Variants in PPARGC1B observed in about 807,000 individuals in gnomAD.
PPARGC1B encodes the protein PPARG coactivator 1 beta.
A neutral mutation model predicts 101.6 loss-of-function variants in PPARGC1B; 34 were observed. The observed-to-expected ratio is 0.33, with a 90% CI of 0.25 to 0.45. The LOEUF (loss-of-function observed/expected upper bound fraction) is 0.45, where lower values mean the gene tolerates loss of function less well. PPARGC1B is among the 20% of genes least tolerant of loss of function. The pLI, the probability that PPARGC1B is intolerant of heterozygous loss-of-function variation, is 1.00. For missense variants in PPARGC1B, 1,234 were observed against 1,317.6 expected (o/e 0.94, Z 0.98); for synonymous variants, 548 against 539.3 (o/e 1.02, Z -0.22).
chr5:149,731,259 C>G (rs1028982172), intron 1 of PPARGC1B, among the ~76,000 whole-genome samples: 1 of 152,176 alleles, frequency 6.6e-6, no homozygotes, highest in African/African-American at 2.4e-5. Flanking sequence ...AGCGAGGAAG[C>G]TGGTGGCTTG....
intron 1 of PPARGC1B, among the ~76,000 whole-genome samples, chr5:149,759,725 C>G (rs999033868): frequency 3.2e-4 from 49 of 152,344 alleles, no homozygotes; most frequent in African/African-American, 1.1e-3. Context: ...ACATCCTTCA[C>G]CAGGCATGCT....
rs1295489451 is a variant in PPARGC1B, at chr5:149,848,666, G to A, written c.*1108G>A. 6.6e-6 allele frequency: 1 copy of A among 152,252 alleles called. No individual in the cohort carries two copies. The highest frequency in any genetic ancestry group is 1.5e-5 in the Non-Finnish European group (1 of 68,086). The allele number at this position is 152,252 out of a possible 1,614,324, so 9.4% of individuals were successfully genotyped here. On this transcript the variant is annotated 3_prime_UTR_variant, in exon 12 of 12. Transcript: ENST00000309241. ...ATCAGCTTTGATCCTGAGTGGTCCTGCGGTTTGTCTGTGCCTGTGGACACA... is the reference window on the plus strand; with the variant it reads ...ATCAGCTTTGATCCTGAGTGGTCCTACGGTTTGTCTGTGCCTGTGGACACA...
intron 1 of PPARGC1B, among the ~76,000 whole-genome samples, chr5:149,805,252 TG>T (rs1757557627): frequency 6.6e-6 from 1 of 152,146 alleles, no homozygotes; most frequent in South Asian, 2.1e-4. Flanking sequence ...ACCATGGACT[TG>T]GGGAGTGGTT....
intron 1 of PPARGC1B, among the ~76,000 whole-genome samples, chr5:149,763,542 T>C (rs1755793334): frequency 1.4e-5 from 2 of 143,326 alleles, no homozygotes; most frequent in African/African-American, 5.2e-5. Flanking sequence ...TTTTTTTTTT[T>C]TTTTTTTTGC....
At chr5:149,756,144 G>A (rs1473074961) in intron 1 of PPARGC1B, among the ~76,000 whole-genome samples, 2 of 152,144 alleles carry the variant, frequency 1.3e-5, no homozygotes, top group African/African-American at 4.8e-5. Context: ...TTACCACATA[G>A]GAGGCACTTA....
At chr5:149,784,566 T>TTC (rs1208954196) in intron 1 of PPARGC1B, among the ~76,000 whole-genome samples, 2 of 138,752 alleles carry the variant, frequency 1.4e-5, no homozygotes, top group African/African-American at 5.3e-5. Context: ...GTTTCTTTTT[T>TTC]TTTTTTTTTT....
chr5:149,732,114 C>T (rs1397159218), intron 1 of PPARGC1B, among the ~76,000 whole-genome samples: 4 of 152,072 alleles, frequency 2.6e-5, no homozygotes, highest in Non-Finnish European at 5.9e-5. Flanking sequence ...ACCTTTACCT[C>T]TGACGAAACT....
chr5:149,780,256 A>C (rs1424297075), intron 1 of PPARGC1B, among the ~76,000 whole-genome samples: 3 of 152,230 alleles, frequency 2.0e-5, no homozygotes, highest in African/African-American at 7.2e-5. Flanking sequence ...ACCTGGCCCC[A>C]GGCCTGGCCG....
In PPARGC1B at chr5:149,837,210, C is replaced by T; in HGVS notation, c.2618+137C>T. The T allele has an allele frequency of 7.3e-7, 1 of 1,369,882 alleles. No homozygotes were observed. The highest frequency in any genetic ancestry group is 1.5e-5 in the South Asian group (1 of 66,698). 84.9% of individuals were successfully genotyped at this position (1,369,882 alleles called of 1,614,324 possible). The stretch of plus-strand genomic sequence containing the variant: ...CTGCATCTCCCAGTGTGGCCCATGT[C>T]TTGGTCAGGAGCCTTGAAGGTGGTC... On this transcript the variant is annotated intron_variant, in intron 8 of 11. Transcript: ENST00000309241. The surrounding 1 kb of genome is among the most constrained non-coding windows in gnomAD (Gnocchi z 4.2).
At chr5:149,822,132 C>A (rs1758326355) in intron 2 of PPARGC1B, among the ~76,000 whole-genome samples, 1 of 152,144 alleles carries the variant, frequency 6.6e-6, no homozygotes, top group South Asian at 2.1e-4. Flanking sequence ...TTGTTCCTTT[C>A]CTCTTAGGGG....
chr5:149,847,429 C>T (rs76206609), intron 11 of PPARGC1B, 29 bp from the exon 12 acceptor site: 19,357 of 1,551,996 alleles, frequency 0.012, 205 homozygotes, highest in South Asian at 0.038. Flanking sequence ...GCCTTCCCCT[C>T]TTCCCTGCCT....
chr5:149,844,681 T>C (rs1759486192), intron 10 of PPARGC1B, among the ~76,000 whole-genome samples: 1 of 152,334 alleles, frequency 6.6e-6, no homozygotes, highest in Non-Finnish European at 1.5e-5. Flanking sequence ...GGGTTCAAAC[T>C]TGGCCCTGGT....
chr5:149,842,553 T>C (rs933389818), intron 10 of PPARGC1B, among the ~76,000 whole-genome samples, 176 bp downstream of exon 10: 5 of 152,276 alleles, frequency 3.3e-5, no homozygotes, highest in Non-Finnish European at 4.4e-5. Context: ...CAGTCAGTAA[T>C]AGCAGCAAAC....
At chr5:149,755,018 C>T (rs1322400176) in intron 1 of PPARGC1B, among the ~76,000 whole-genome samples, 3 of 137,454 alleles carry the variant, frequency 2.2e-5, no homozygotes, top group Non-Finnish European at 3.0e-5. Context: ...ATATATATAC[C>T]CACACATATA....
At position 149,850,408 on chromosome 5, in the gene PPARGC1B, T is replaced by C. The variant is rs759800168; in HGVS notation, c.*2850T>C. On this transcript the variant is annotated 3_prime_UTR_variant, in exon 12 of 12. Transcript: ENST00000309241. ...GAGACCTGAGCGTGGCATTGGGACA[T>C]GACATACCTAAAGTCAGGGCTAGGG... 7 of 152,202 alleles carry C rather than the reference T, an allele frequency of 4.6e-5. No individual in the cohort carries two copies. Among genetic ancestry groups the C allele is most frequent in the Non-Finnish European group, 8.8e-5 (6 of 68,032 alleles). 9.4% of individuals were successfully genotyped at this position (152,202 alleles called of 1,614,324 possible).
intron 7 of PPARGC1B, 25 bp downstream of exon 7, chr5:149,835,390 A>G: frequency 6.2e-7 from 1 of 1,604,094 alleles, no homozygotes; most frequent in Non-Finnish European, 8.5e-7. Context: ...TTCCACTGGC[A>G]GGTGCCTTCA....
At chr5:149,827,265 T>A (rs577550053) in intron 3 of PPARGC1B, among the ~76,000 whole-genome samples, 1 of 152,366 alleles carries the variant, frequency 6.6e-6, no homozygotes, top group African/African-American at 2.4e-5. Flanking sequence ...CCTCTCTCTG[T>A]TGCTTTTTCC....
intron 1 of PPARGC1B, among the ~76,000 whole-genome samples, chr5:149,799,488 G>A (rs2113284449): frequency 6.6e-6 from 1 of 152,184 alleles, no homozygotes; most frequent in East Asian, 1.9e-4. Context: ...GCTTAGGCTC[G>A]ATTGAAGGGA....
Position 149,847,637 on chromosome 5 carries a change from A to T in PPARGC1B, c.*79A>T. The T allele has an allele frequency of 8.7e-7, 1 of 1,151,322 alleles. No individual in the cohort carries two copies. Among genetic ancestry groups the T allele is most frequent in the Non-Finnish European group, 1.3e-6 (1 of 774,060 alleles). 71.3% of individuals were successfully genotyped at this position (1,151,322 alleles called of 1,614,324 possible). ...ATATGTTTACGTTTTCAAAGAAATCAAGTATATGAGGAGAGCGAGCGAGCG... is the reference window on the plus strand; with the variant it reads ...ATATGTTTACGTTTTCAAAGAAATCTAGTATATGAGGAGAGCGAGCGAGCG... On this transcript the variant is annotated 3_prime_UTR_variant, in exon 12 of 12. Coordinates refer to ENST00000309241, the MANE Select transcript of PPARGC1B (RefSeq NM_133263.4).
Sources: gnomAD v4.1 joint callset for allele counts (sites outside exome capture counted in the v4.1 genomes callset) on GRCh38, gnomAD v4.1.1 for gene constraint, Gnocchi (gnomAD v3.1) non-coding constraint, MANE v1.5 for transcripts, NCBI Gene and HGNC (gene_info 2026-07-23, HGNC 2026-07-21) for gene names.